KIF14: variants seen among roughly 807,000 people sequenced by gnomAD.
KIF14 encodes kinesin-like protein KIF14.
Under a neutral mutation model 176.2 loss-of-function variants are expected in KIF14, and 98 were observed. The ratio of observed to expected loss-of-function variants is 0.56; its 90% confidence interval spans 0.47 to 0.66. The LOEUF (loss-of-function observed/expected upper bound fraction) is 0.66. Among genes scored for constraint, KIF14 ranks in the 30% least tolerant of loss-of-function variants. The pLI is 0.00. For synonymous variants in KIF14, 566 were observed against 632.2 expected (o/e 0.90, Z 1.57); for missense variants, 1,751 against 1,920.4 (o/e 0.91, Z 1.65).
chr1:200,599,408 C>T (rs148061907), intron 13 of KIF14, among the ~76,000 whole-genome samples: 35 of 152,178 alleles, frequency 2.3e-4, no homozygotes, highest in African/African-American at 8.2e-4. Context: ...AGAATGTGCT[C>T]TTCCTTTTCT....
In KIF14 at chr1:200,605,301, C is replaced by T; in HGVS notation, c.1728G>A (p.Leu576=). 1 of 1,612,490 alleles carries T rather than the reference C, an allele frequency of 6.2e-7. No individual in the cohort carries two copies. ...AAAATACCTTGGTCTGGGTCATCAC[C>T]AGGGTGAAAACTGAATGAGATCGGG... The part of the protein sequence containing the change: ...KSSRSHSVFT[L]VMTQTKTEFV... Residue 576 remains leucine (L), a synonymous_variant, in exon 8 of 30, where the codon CTG becomes CTA. Transcript: ENST00000367350.
intron 18 of KIF14, among the ~76,000 whole-genome samples, chr1:200,586,810 T>C (rs1480736417): frequency 2.7e-5 from 3 of 111,802 alleles, no homozygotes; most frequent in African/African-American, 9.4e-5. Flanking sequence ...TATATATATA[T>C]ATATATACAC....
At chr1:200,581,884 C>G (rs1658482358) in intron 19 of KIF14, among the ~76,000 whole-genome samples, 1 of 150,062 alleles carries the variant, frequency 6.7e-6, no homozygotes, top group Non-Finnish European at 1.5e-5. Flanking sequence ...ATCCTCCCAT[C>G]TCAGCCTTCC....
rs188272854 is a variant in KIF14 at position 200,598,225 on chromosome 1, G to A, written c.2549+12C>T. ...CAGGTGCCTTTTCTTTTTTTTTAGAGGATTAACATACCAATGATCATCAGC... is the reference window on the plus strand; with the variant it reads ...CAGGTGCCTTTTCTTTTTTTTTAGAAGATTAACATACCAATGATCATCAGC... On this transcript the variant is annotated intron_variant, in intron 14 of 29. Transcript: ENST00000367350. The A allele has an allele frequency of 1.6e-4, 258 of 1,602,732 alleles. 3 individuals are homozygous for A. In the Admixed American group the frequency reaches 4.4e-3, roughly 27 times the overall value.
At chr1:200,567,452 G>T (rs1435263433) in intron 23 of KIF14, among the ~76,000 whole-genome samples, 2 of 150,584 alleles carry the variant, frequency 1.3e-5, no homozygotes, top group Non-Finnish European at 3.0e-5. Context: ...GGTTGAGGCA[G>T]GAGAATGGCG....
intron 14 of KIF14, among the ~76,000 whole-genome samples, chr1:200,595,462 C>G (rs186966547): frequency 1.5e-4 from 23 of 152,026 alleles, no homozygotes; most frequent in African/African-American, 5.1e-4. Context: ...GAGGAAGGTA[C>G]GAAAAATGGA....
At chr1:200,565,898 T>C (rs1657422335) in intron 23 of KIF14, among the ~76,000 whole-genome samples, 1 of 152,228 alleles carries the variant, frequency 6.6e-6, no homozygotes, top group African/African-American at 2.4e-5. Flanking sequence ...TTGTGTATGT[T>C]GATTTCCAGG....
At position 200,553,263 on chromosome 1, in the gene KIF14, A is replaced by G. The variant is rs1332392519; in HGVS notation, c.*125T>C. 2 of 1,033,392 alleles carry G rather than the reference A, an allele frequency of 1.9e-6. No individual in the cohort carries two copies. The highest frequency in any genetic ancestry group is 2.8e-6 in the Non-Finnish European group (2 of 725,358). The allele number at this position is 1,033,392 out of a possible 1,614,324, so 64.0% of individuals were successfully genotyped here. A position where few individuals can be genotyped will look rare whatever the true frequency, so the allele number is the denominator to read the frequency against. On this transcript the variant is annotated 3_prime_UTR_variant, in exon 30 of 30. Transcript: ENST00000367350. Reference sequence around the variant, plus strand: ...TGATAAATAGATATTTTAAAGATAAAAAGACATGGACTTTTTTGAAATATC... The same window carrying G: ...TGATAAATAGATATTTTAAAGATAAGAAGACATGGACTTTTTTGAAATATC...
At chr1:200,613,016 T>C (rs770873870) in intron 4 of KIF14, among the ~76,000 whole-genome samples, 6 of 150,628 alleles carry the variant, frequency 4.0e-5, no homozygotes, top group Non-Finnish European at 8.8e-5. Context: ...GCCTCCCAAG[T>C]AGATGGGATT....
intron 3 of KIF14, among the ~76,000 whole-genome samples, chr1:200,615,116 G>T (rs1372666315): frequency 6.6e-6 from 1 of 152,094 alleles, no homozygotes; most frequent in East Asian, 1.9e-4. Context: ...AATATATAAA[G>T]TACAGTAAAA....
Position 200,618,710 on chromosome 1 carries a change from C to T in KIF14, c.14G>A (p.Ser5Asn), listed in dbSNP as rs1256629719. The T allele has an allele frequency of 6.2e-7, 1 of 1,604,646 alleles. No homozygotes were observed. The change falls in exon 2 of 30, where the codon AGT becomes AAT. Residue 5 changes from serine (S) to asparagine (N), a missense_variant. Ser to Asn is a conservative substitution (Grantham distance 46, BLOSUM62 1). Coordinates refer to ENST00000367350, the MANE Select transcript of KIF14 (RefSeq NM_014875.3). MSLH[S>N]THNRNNSGDI... Reference sequence around the variant, plus strand: ...ACCGCTGTTATTTCTATTATGAGTACTGTGTAATGACATTTTGGCAGACAG... The same window carrying T: ...ACCGCTGTTATTTCTATTATGAGTATTGTGTAATGACATTTTGGCAGACAG...
rs1658072931 is a variant in KIF14 at position 200,575,839 on chromosome 1, G to C, written c.3466-148C>G. ...CTGATAAGTCTAAAAAATCATTCCT[G>C]ATCAAATTAAAAGTCAATCACACGA... On this transcript the variant is annotated intron_variant, in intron 21 of 29. Transcript: ENST00000367350. 9.7e-6 allele frequency: 4 copies of C among 411,704 alleles called. No individual in the cohort carries two copies. In the South Asian group the frequency reaches 3.0e-4, roughly 31 times the overall value. 25.5% of individuals were successfully genotyped at this position (411,704 alleles called of 1,614,324 possible).
intron 14 of KIF14, among the ~76,000 whole-genome samples, chr1:200,596,968 G>C (rs1431519443): frequency 1.2e-4 from 17 of 141,540 alleles, no homozygotes; most frequent in African/African-American, 4.0e-4. Context: ...TGATGATCTC[G>C]GCACACTGCA....
At chr1:200,609,104 AAAG>A (rs1300614674) in intron 4 of KIF14, among the ~76,000 whole-genome samples, 176 bp from the exon 5 acceptor site, 4 of 152,348 alleles carry the variant, frequency 2.6e-5, no homozygotes, top group Middle Eastern at 3.4e-3. Flanking sequence ...ACATTTCTCC[AAAG>A]AAGAACGTAC....
At position 200,618,638 on chromosome 1, in the gene KIF14, G is replaced by A; in HGVS notation, c.86C>T (p.Ala29Val). The A allele has an allele frequency of 1.2e-6, 2 of 1,613,862 alleles. No individual in the cohort carries two copies. Among genetic ancestry groups the A allele is most frequent in the Non-Finnish European group, 1.7e-6 (2 of 1,179,938 alleles). The change falls in exon 2 of 30, where the codon GCC (alanine) becomes GTC (valine). Residue 29 changes from alanine (A) to valine (V), a missense_variant. Coordinates refer to ENST00000367350, the MANE Select transcript of KIF14 (RefSeq NM_014875.3). ...CTTAAGTCGGCTACTGTGGGTGAGGGCATTCAGTGATGAACTATTTTGGGA... is the reference window on the plus strand; with the variant it reads ...CTTAAGTCGGCTACTGTGGGTGAGGACATTCAGTGATGAACTATTTTGGGA... ...PSSQNSSSLN[A>V]LTHSSRLKLH...
chr1:200,566,939 C>G (rs1432631603), intron 23 of KIF14, among the ~76,000 whole-genome samples: 1 of 151,830 alleles, frequency 6.6e-6, no homozygotes, highest in Non-Finnish European at 1.5e-5. Flanking sequence ...CTTTGGGAGG[C>G]CAAGGTGGGT....
intron 4 of KIF14, among the ~76,000 whole-genome samples, chr1:200,612,761 A>G (rs1406532655): frequency 1.3e-5 from 2 of 152,200 alleles, no homozygotes; most frequent in Admixed American, 6.5e-5. Flanking sequence ...TTGTCCAACC[A>G]GAAACATTGA....
In KIF14 at chr1:200,616,122, G is replaced by A. The variant is rs186210514; in HGVS notation, c.1113-513C>T. On this transcript the variant is annotated intron_variant, in intron 2 of 29. Transcript: ENST00000367350. Reference sequence around the variant, plus strand: ...CTCCCTTAAAATCATGAATCTTTCTGTATATCCTTTTTCCCTTTGAGACTT... The same window carrying A: ...CTCCCTTAAAATCATGAATCTTTCTATATATCCTTTTTCCCTTTGAGACTT... Among the ~76,000 whole-genome samples the A allele has an allele frequency of 5.8e-3, 886 of 152,064 alleles. 10 individuals carry two copies. Among genetic ancestry groups the A allele is most frequent in the African/African-American group, 0.021 (857 of 41,458 alleles).
At chr1:200,555,603 A>C in intron 27 of KIF14, 149 bp from the exon 28 acceptor site, 1 of 427,918 alleles carries the variant, frequency 2.3e-6, no homozygotes, top group Non-Finnish European at 4.2e-6. Flanking sequence ...AAATAGCTTG[A>C]GAGTACTTAA....
Sources: allele counts gnomAD v4.1 joint callset (sites outside exome capture counted in the v4.1 genomes callset), GRCh38; gene constraint gnomAD v4.1.1; transcripts MANE v1.5; gene names NCBI Gene and HGNC (gene_info 2026-07-23, HGNC 2026-07-21).